The following NOM1 variants were observed in gnomAD, a reference collection of about 807,000 sequenced individuals.
NOM1 encodes the protein nucleolar protein with MIF4G domain 1.
Under a neutral mutation model 73.3 loss-of-function variants are expected in NOM1, and 58 were observed. The ratio of observed to expected loss-of-function variants is 0.79; its 90% CI spans 0.64 to 0.99. NOM1 has a LOEUF of 0.99. Among genes scored for constraint, NOM1 ranks in the 50% least tolerant of loss-of-function variants. The pLI is 0.00. For missense variants in NOM1, 1,226 were observed against 1,131.9 expected, an observed-to-expected ratio of 1.08 and a Z score of -1.19; for synonymous variants, 487 against 446.8, an observed-to-expected ratio of 1.09 and a Z score of -1.14.
chr7:156,966,667 G>C (rs370526538), intron 8 of NOM1, among the ~76,000 whole-genome samples: 1 of 152,182 alleles, frequency 6.6e-6, no homozygotes, highest in African/African-American at 2.4e-5. Context: ...GGAGCACCTC[G>C]TCGGTTCACA....
intron 3 of NOM1, chr7:156,958,656 C>T (rs1220705411): frequency 1.3e-5 from 2 of 152,220 alleles, no homozygotes; most frequent in African/African-American, 4.8e-5. Flanking sequence ...GACCCACATG[C>T]AGGTCTTCTC....
intron 9 of NOM1, 111 bp downstream of exon 9, chr7:156,967,203 A>G: frequency 1.6e-6 from 2 of 1,285,492 alleles, no homozygotes; most frequent in East Asian, 2.4e-5. Flanking sequence ...ATTCTGATTC[A>G]TCTGAAAAGT....
At chr7:156,952,699 G>A in intron 2 of NOM1, 101 bp downstream of exon 2, 2 of 1,283,284 alleles carry the variant, frequency 1.6e-6, no homozygotes, top group South Asian at 2.9e-5. Flanking sequence ...GATGGGGACA[G>A]TCGATTGGAT....
At position 156,949,764 on chromosome 7, in the gene NOM1, G is replaced by C. The variant is rs888156113; in HGVS notation, c.27G>C (p.Glu9Asp). The change falls in exon 1 of 11, where the codon GAG becomes GAC. Residue 9 changes from glutamate (E) to aspartate (D), a missense_variant. Physicochemically the swap from Glu to Asp is conservative, Grantham distance 45. Transcript: ENST00000275820. ...TGGCGGCGTCCAGGAGCGCGGGAGAGGCCGGCCCGGGCGGCTCCCAGGGAC... is the reference window on the plus strand; with the variant it reads ...TGGCGGCGTCCAGGAGCGCGGGAGACGCCGGCCCGGGCGGCTCCCAGGGAC... MAASRSAG[E>D]AGPGGSQGRV... The C allele has an allele frequency of 1.1e-5, 16 of 1,400,054 alleles. No homozygotes were observed. The African/African-American group carries it at 2.1e-4, about 18-fold the overall frequency. 86.7% of individuals were successfully genotyped at this position (1,400,054 alleles called of 1,614,324 possible). A position where few individuals can be genotyped will look rare whatever the true frequency, so the allele number is the denominator to read the frequency against.
intron 2 of NOM1, among the ~76,000 whole-genome samples, chr7:156,953,530 C>T (rs1172939521): frequency 6.6e-6 from 1 of 151,950 alleles, no homozygotes; most frequent in South Asian, 2.1e-4. Flanking sequence ...GCCTCACCCA[C>T]CCCCTTCCCC....
At chr7:156,951,153 G>T (rs957025733) in intron 1 of NOM1, among the ~76,000 whole-genome samples, 3 of 152,166 alleles carry the variant, frequency 2.0e-5, no homozygotes, top group Non-Finnish European at 4.4e-5. Flanking sequence ...TTGAATTAAA[G>T]ATAAAGGCTG....
chr7:156,962,096 G>C, intron 4 of NOM1, 55 bp from the exon 5 acceptor site: 1 of 1,449,844 alleles, frequency 6.9e-7, no homozygotes, highest in Non-Finnish European at 9.7e-7. Flanking sequence ...AACTTGAATG[G>C]GCCGTTTAGA....
At position 156,954,298 on chromosome 7, in the gene NOM1, G is replaced by C; in HGVS notation, c.1308G>C (p.Glu436Asp). Residue 436 changes from glutamate (E) to aspartate (D), a missense_variant and splice_region_variant, in exon 3 of 11, where the codon GAG (glutamate) becomes GAC (aspartate). Coordinates refer to ENST00000275820, the MANE Select transcript of NOM1 (RefSeq NM_138400.2). ...VSILHHTVGI[E>D]VGAHFLEAVV... ...TCCTTCACCACACAGTTGGAATCGA[G>C]GTACAGTTGTACCTTTTCTCCAGGC... 1 of 1,583,576 alleles carries C rather than the reference G, an allele frequency of 6.3e-7. No individual in the cohort carries two copies. The highest frequency in any genetic ancestry group is 8.6e-7 in the Non-Finnish European group (1 of 1,165,624).
chr7:156,969,567 G>T lies in NOM1; in HGVS notation c.2447G>T (p.Gly816Val). ...DNPKLGVLRE[G>V]LKLFISHFLL... ...CCAAAGCTGGGGGTGTTACGTGAGGGTTTGAAGCTTTTCATCAGCCACTTC... is the reference window on the plus strand; with the variant it reads ...CCAAAGCTGGGGGTGTTACGTGAGGTTTTGAAGCTTTTCATCAGCCACTTC... The change falls in exon 11 of 11, where the codon GGT becomes GTT. Residue 816 changes from glycine to valine, a missense_variant. Gly to Val is a moderately radical substitution (Grantham distance 109). Transcript: ENST00000275820. 1 of 1,613,986 alleles carries T rather than the reference G, an allele frequency of 6.2e-7. No individual in the cohort carries two copies.
rs35181749 is a variant in NOM1, at chr7:156,956,192, CA to C, written c.1308+1908del. On this transcript the variant is annotated intron_variant, in intron 3 of 10. Transcript: ENST00000275820. ...TGGGTGACAGAGCGAGACTCAGTCT[CA>C]AAAAAAAAAAAAAGATGCACGGATT... 5.9e-3 allele frequency among the ~76,000 whole-genome samples: 823 copies of C among 139,444 alleles called. 5 individuals are homozygous for C. The highest frequency in any genetic ancestry group is 0.018 in the African/African-American group (698 of 37,754). The allele number at this position is 139,444 out of a possible 152,430, so 91.5% of individuals were successfully genotyped here.
Position 156,971,259 on chromosome 7 carries a change from A to G in NOM1, c.*1556A>G, listed in dbSNP as rs1483848641. The stretch of plus-strand genomic sequence containing the variant: ...TACAGAATAGACATTGAGAGGTTAT[A>G]TATGTCCAAAACTCATCTGTCCAGC... On this transcript the variant is annotated 3_prime_UTR_variant, in exon 11 of 11. Transcript: ENST00000275820. 2.0e-5 allele frequency: 3 copies of G among 152,262 alleles called. No homozygotes were observed. The highest frequency in any genetic ancestry group is 6.5e-5 in the Admixed American group (1 of 15,286). The allele number at this position is 152,262 out of a possible 1,614,324, so 9.4% of individuals were successfully genotyped here.
At chr7:156,968,687 TTATATATATATATATATA>T (rs6150414) in intron 9 of NOM1, 9,764 of 132,300 alleles carry the variant, frequency 0.074, 615 homozygotes, top group East Asian at 0.28. Flanking sequence ...GAAGTAAATT[TTATATATATATATATATA>T]TATATATATA....
At position 156,959,863 on chromosome 7, in the gene NOM1, T is replaced by C; in HGVS notation, c.1321T>C (p.Phe441Leu). 6.2e-7 allele frequency: 1 copy of C among 1,614,162 alleles called. No homozygotes were observed. The highest frequency in any genetic ancestry group is 2.2e-5 in the East Asian group (1 of 44,882). ...GTGGTTCTTTCAGGTCGGTGCCCAC[T>C]TTCTGGAGGCAGTGGTGAGGAAGTT... ...HTVGIEVGAHFLEAVVRKFDA... is the reference protein window; with the variant it reads ...HTVGIEVGAHLLEAVVRKFDA... Residue 441 changes from phenylalanine to leucine, a missense_variant, in exon 4 of 11, where the codon TTT becomes CTT. Coordinates refer to ENST00000275820, the MANE Select transcript of NOM1 (RefSeq NM_138400.2).
At position 156,952,566 on chromosome 7, in the gene NOM1, G is replaced by C. The variant is rs780848148; in HGVS notation, c.1080G>C (p.Arg360Ser). 2 of 1,614,116 alleles carry C rather than the reference G, an allele frequency of 1.2e-6. No individual in the cohort carries two copies. The highest frequency in any genetic ancestry group is 4.5e-5 in the East Asian group (2 of 44,882). Residue 360 changes from arginine (R) to serine (S), a missense_variant, in exon 2 of 11, where the codon AGG becomes AGC. Transcript: ENST00000275820. Reference sequence around the variant, plus strand: ...TCAAGAAAAAGGAAGAACTAGAAAGGCTGAAGAAACATGTAAAAGGTCTAC... The same window carrying C: ...TCAAGAAAAAGGAAGAACTAGAAAGCCTGAAGAAACATGTAAAAGGTCTAC... ...VDFKKKEELE[R>S]LKKHVKGLLN...
At chr7:156,961,167 C>G (rs1804855184) in intron 4 of NOM1, among the ~76,000 whole-genome samples, 1 of 152,062 alleles carries the variant, frequency 6.6e-6, no homozygotes, top group South Asian at 2.1e-4. Context: ...GGTTAAGGAG[C>G]ACTGACGTCT....
chr7:156,959,404 ATTT>A (rs33936500), intron 3 of NOM1, among the ~76,000 whole-genome samples: 2 of 150,136 alleles, frequency 1.3e-5, no homozygotes, highest in African/African-American at 2.5e-5. Context: ...CACCTGGCTA[ATTT>A]TTTTTTGTAT....
chr7:156,959,263 C>G (rs10949617), intron 3 of NOM1, among the ~76,000 whole-genome samples: 6 of 151,828 alleles, frequency 4.0e-5, no homozygotes, highest in African/African-American at 1.5e-4. Flanking sequence ...CCACCACGCC[C>G]GGCTAATTTT....
Position 156,952,612 on chromosome 7 carries a change from G to A in NOM1, c.1112+14G>A, listed in dbSNP as rs374759833. ...TCTACTTAACAGGTGACCTTGTAGT[G>A]TTGTTACACTGTGTCACTTAGAGAG... On this transcript the variant is annotated intron_variant, in intron 2 of 10. Coordinates refer to ENST00000275820, the MANE Select transcript of NOM1 (RefSeq NM_138400.2). The A allele has an allele frequency of 4.4e-6, 7 of 1,607,572 alleles. No individual in the cohort carries two copies. Among genetic ancestry groups the A allele is most frequent in the Non-Finnish European group, 5.9e-6 (7 of 1,178,394 alleles).
Position 156,969,528 on chromosome 7 carries a change from G to A in NOM1, c.2409-1G>A, listed in dbSNP as rs1316550083. The A allele has an allele frequency of 1.2e-6, 2 of 1,612,566 alleles. No individual in the cohort carries two copies. Among genetic ancestry groups the A allele is most frequent in the South Asian group, 1.1e-5 (1 of 90,952 alleles). On this transcript the variant is annotated splice_acceptor_variant, in intron 10 of 10. Coordinates refer to ENST00000275820, the MANE Select transcript of NOM1 (RefSeq NM_138400.2). LOFTEE classifies it high-confidence loss of function. ...CATGTGTTTATACGATTCCTTTCCA[G>A]AGTATCTGACAACCCAAAGCTGGGG...
Sources: gnomAD v4.1 joint callset for allele counts (sites outside exome capture counted in the v4.1 genomes callset) on GRCh38, gnomAD v4.1.1 for gene constraint, MANE v1.5 for transcripts, NCBI Gene and HGNC (gene_info 2026-07-23, HGNC 2026-07-21) for gene names.